Variants in VPS45 observed in about 807,000 individuals in gnomAD.
The protein encoded by VPS45 is vacuolar protein sorting 45 homolog, also known as vacuolar protein sorting-associated protein 45.
In VPS45, 35 loss-of-function variants were observed where a neutral mutation model predicts 75.9. That is an observed-to-expected ratio of 0.46 (90% CI 0.35 to 0.61). The LOEUF is 0.61. Among genes scored for constraint, VPS45 ranks in the 20% least tolerant of loss-of-function variants. The probability of loss-of-function intolerance (pLI) is 0.00; values close to 1 mark genes in which losing one functional copy is unlikely to be tolerated. For missense variants in VPS45, 559 were observed against 685.9 expected (o/e 0.81, Z 2.07); for synonymous variants, 220 against 238.2 (o/e 0.92, Z 0.70).
At chr1:150,141,200 T>C (rs1553815194) in intron 14 of VPS45, among the ~76,000 whole-genome samples, 1 of 152,212 alleles carries the variant, frequency 6.6e-6, no homozygotes, top group East Asian at 1.9e-4. Context: ...GACAAATATC[T>C]TGGGGTTTTT....
At chr1:150,082,131 A>G (rs1327100451) in intron 9 of VPS45, 134 bp downstream of exon 9, 8 of 619,394 alleles carry the variant, frequency 1.3e-5, no homozygotes, top group Non-Finnish European at 2.0e-5. Flanking sequence ...ATTTTCTGTA[A>G]TGTCTTTAAA....
At chr1:150,091,911 T>A (rs1553801953) in intron 10 of VPS45, 26 bp from the exon 11 acceptor site, 1 of 1,605,338 alleles carries the variant, frequency 6.2e-7, no homozygotes, top group East Asian at 2.2e-5. Context: ...GAAAGGGGGA[T>A]AAATATAAGT....
At chr1:150,137,720 G>A (rs782296453) in intron 14 of VPS45, among the ~76,000 whole-genome samples, 4 of 152,226 alleles carry the variant, frequency 2.6e-5, no homozygotes, top group African/African-American at 9.6e-5. Flanking sequence ...TTTGAGACCA[G>A]CCTGGGCAAC....
chr1:150,105,429 A>T (rs1657268548), intron 13 of VPS45, among the ~76,000 whole-genome samples: 1 of 152,240 alleles, frequency 6.6e-6, no homozygotes, highest in Non-Finnish European at 1.5e-5. Flanking sequence ...AAGTCTCAGG[A>T]TACAAAATCA....
intron 7 of VPS45, among the ~76,000 whole-genome samples, chr1:150,079,919 T>G (rs1286281358): frequency 6.6e-6 from 1 of 152,184 alleles, no homozygotes; most frequent in Non-Finnish European, 1.5e-5. Context: ...TGCCTATTAT[T>G]CTGTCTCCCA....
At chr1:150,113,625 G>A (rs1657766037) in intron 14 of VPS45, among the ~76,000 whole-genome samples, 1 of 152,166 alleles carries the variant, frequency 6.6e-6, no homozygotes, top group Admixed American at 6.5e-5. Context: ...GCCAGGCGTG[G>A]TGGCTCCCAC....
chr1:150,135,761 C>T (rs915257144), intron 14 of VPS45, among the ~76,000 whole-genome samples: 8 of 151,808 alleles, frequency 5.3e-5, no homozygotes, highest in South Asian at 4.2e-4. Flanking sequence ...GCCTCACCCC[C>T]CTGGGTAGCT....
intron 14 of VPS45, chr1:150,142,708 C>T (rs1436112415): frequency 3.1e-5 from 10 of 318,566 alleles, no homozygotes; most frequent in African/African-American, 2.2e-4. Context: ...TCCTGTCGCC[C>T]AGGTTGGAGT....
intron 14 of VPS45, among the ~76,000 whole-genome samples, chr1:150,119,744 C>T (rs1173549952): frequency 6.6e-6 from 1 of 152,148 alleles, no homozygotes; most frequent in African/African-American, 2.4e-5. Flanking sequence ...ACTATCCTTC[C>T]AGAATAGGAA....
At chr1:150,096,839 T>C (rs1302188130) in intron 13 of VPS45, among the ~76,000 whole-genome samples, 1 of 152,206 alleles carries the variant, frequency 6.6e-6, no homozygotes, top group Non-Finnish European at 1.5e-5. Context: ...TTACCAATTC[T>C]ACTTCTAAAA....
intron 8 of VPS45, 89 bp downstream of exon 8, chr1:150,081,565 G>T: frequency 7.0e-7 from 1 of 1,427,688 alleles, no homozygotes; most frequent in Non-Finnish European, 9.5e-7. Flanking sequence ...GCAGGCATGG[G>T]ATTTCATGTG....
intron 3 of VPS45, among the ~76,000 whole-genome samples, chr1:150,075,538 A>G (rs1655328575): frequency 6.6e-6 from 1 of 152,154 alleles, no homozygotes; most frequent in Non-Finnish European, 1.5e-5. Context: ...GCCTGGGTCC[A>G]TTCAATTGAT....
intron 13 of VPS45, among the ~76,000 whole-genome samples, chr1:150,096,996 C>CTT (rs782303822): frequency 2.5e-4 from 36 of 146,878 alleles, no homozygotes; most frequent in East Asian, 1.2e-3. Flanking sequence ...ATTACGTATT[C>CTT]TTTTTTTTTT....
chr1:150,137,837 C>T (rs587693769), intron 14 of VPS45, among the ~76,000 whole-genome samples: 61 of 146,790 alleles, frequency 4.2e-4, no homozygotes, highest in Non-Finnish European at 6.5e-4. Flanking sequence ...ATTGCTTGAA[C>T]CCGGGAGGTG....
intron 13 of VPS45, among the ~76,000 whole-genome samples, chr1:150,094,419 A>T (rs1334522572): frequency 1.3e-5 from 2 of 152,330 alleles, no homozygotes; most frequent in Middle Eastern, 6.8e-3. Flanking sequence ...ATAGTGTTTT[A>T]TAAACATAAT....
chr1:150,123,006 C>T (rs1290870874), intron 14 of VPS45, among the ~76,000 whole-genome samples: 1 of 89,580 alleles, frequency 1.1e-5, no homozygotes, highest in Non-Finnish European at 2.4e-5. Flanking sequence ...AAAAAAAAAG[C>T]ATTTTCATTG....
intron 3 of VPS45, 45 bp downstream of exon 3, chr1:150,072,271 G>A: frequency 7.1e-7 from 1 of 1,417,030 alleles, no homozygotes; most frequent in Non-Finnish European, 9.8e-7. Context: ...CAACATCCCA[G>A]TTAGTGTGTT....
intron 14 of VPS45, 45 bp from the exon 15 acceptor site, chr1:150,144,664 G>A: frequency 6.5e-7 from 1 of 1,530,492 alleles, no homozygotes; most frequent in Non-Finnish European, 8.9e-7. Context: ...TATTTTTGGA[G>A]ATGCTTTTGT....
intron 14 of VPS45, among the ~76,000 whole-genome samples, chr1:150,125,956 G>T (rs1368869490): frequency 6.6e-6 from 1 of 151,914 alleles, no homozygotes; most frequent in Non-Finnish European, 1.5e-5. Context: ...AAAGTGGTGG[G>T]ATTATAGATA....
Sources: gnomAD v4.1 joint callset for allele counts (sites outside exome capture counted in the v4.1 genomes callset) on GRCh38, gnomAD v4.1.1 for gene constraint, MANE v1.5 for transcripts, NCBI Gene and HGNC (gene_info 2026-07-23, HGNC 2026-07-21) for gene names.